The following MBP variants were observed in gnomAD, a reference collection of about 807,000 sequenced individuals.
The protein encoded by MBP is Golli-MBP.
In MBP, 16 loss-of-function variants were observed where a neutral mutation model predicts 35.8. The observed-to-expected ratio is 0.45, with a 90% CI of 0.30 to 0.68. The LOEUF (loss-of-function observed/expected upper bound fraction) is 0.68, where lower values mean the gene tolerates loss of function less well. MBP is among the 30% of genes least tolerant of loss of function. The pLI is 0.08. For synonymous variants in MBP, 143 were observed against 159.6 expected (o/e 0.90, Z 0.78); for missense variants, 380 against 404.7 (o/e 0.94, Z 0.52).
chr18:77,091,598 C>T (rs1490309410), intron 2 of MBP, among the ~76,000 whole-genome samples: 2 of 151,792 alleles, frequency 1.3e-5, no homozygotes, highest in East Asian at 3.9e-4. Flanking sequence ...CACACACACA[C>T]ACACACACAC....
chr18:77,054,269 C>T (rs1973633169), intron 3 of MBP, among the ~76,000 whole-genome samples: 1 of 152,244 alleles, frequency 6.6e-6, no homozygotes. Context: ...CAGAGCCCAC[C>T]TGCGCTGACA....
At chr18:77,021,433 G>T (rs1971981067) in intron 3 of MBP, among the ~76,000 whole-genome samples, 1 of 151,762 alleles carries the variant, frequency 6.6e-6, no homozygotes, top group Non-Finnish European at 1.5e-5. Flanking sequence ...CTCCCAGGTG[G>T]CTGACCTTGG....
At chr18:77,016,349 C>G in intron 4 of MBP, 1 of 989,022 alleles carries the variant, frequency 1.0e-6, no homozygotes, top group Non-Finnish European at 1.2e-6. Flanking sequence ...GGAGTTTGTT[C>G]AAAAGTCTTC....
At chr18:76,993,832 G>A (rs1039328342) in intron 4 of MBP, among the ~76,000 whole-genome samples, 2 of 152,282 alleles carry the variant, frequency 1.3e-5, no homozygotes, top group Admixed American at 6.5e-5. Flanking sequence ...GAGTTTGCAC[G>A]CTCAGTTTCC....
At chr18:77,054,150 G>A (rs1973628973) in intron 3 of MBP, among the ~76,000 whole-genome samples, 1 of 152,210 alleles carries the variant, frequency 6.6e-6, no homozygotes, top group Non-Finnish European at 1.5e-5. Context: ...GAAGCCACAG[G>A]ACTCTCCCAG....
intron 4 of MBP, chr18:77,016,467 A>T: frequency 1.8e-6 from 2 of 1,091,296 alleles, no homozygotes; most frequent in Non-Finnish European, 2.2e-6. Flanking sequence ...TGGGCTGCAG[A>T]GGCAACATCA....
At chr18:77,098,734 C>A (rs1474331600) in intron 2 of MBP, among the ~76,000 whole-genome samples, 1 of 152,196 alleles carries the variant, frequency 6.6e-6, no homozygotes, top group Admixed American at 6.5e-5. Context: ...GAGGCACCGC[C>A]AAGGCAGGGC....
chr18:76,987,503 C>CT, intron 7 of MBP: 11 of 985,668 alleles, frequency 1.1e-5, no homozygotes, highest in Non-Finnish European at 1.3e-5. Flanking sequence ...CCCTTCCTCC[C>CT]TCTCTTCCTT....
chr18:77,096,141 G>C (rs1333239078), intron 2 of MBP, among the ~76,000 whole-genome samples: 1 of 152,216 alleles, frequency 6.6e-6, no homozygotes, highest in Admixed American at 6.5e-5. Context: ...CTCCTAGTTG[G>C]AAAAAGTCAG....
At position 76,979,696 on chromosome 18, in the gene MBP, C is replaced by T. The variant is rs570922145; in HGVS notation, c.*731G>A. 1.8e-5 allele frequency: 9 copies of T among 514,284 alleles called. No homozygotes were observed. The highest frequency in any genetic ancestry group is 1.7e-4 in the African/African-American group (9 of 51,610). The allele number at this position is 514,284 out of a possible 1,614,324, so 31.9% of individuals were successfully genotyped here. A position where few individuals can be genotyped will look rare whatever the true frequency, so the allele number is the denominator to read the frequency against. On this transcript the variant is annotated 3_prime_UTR_variant, in exon 9 of 9. Coordinates refer to ENST00000355994, the MANE Select transcript of MBP (RefSeq NM_001025101.2). ...TCCATCACCAAATCTCCAGGAAGAC[C>T]CTGTTTCCTATGTGAGGCCATTGCC...
chr18:76,984,821 A>G lies in MBP; in HGVS notation c.824T>C (p.Phe275Ser), dbSNP rs367734828. The G allele has an allele frequency of 2.5e-6, 4 of 1,614,088 alleles. No homozygotes were observed. The highest frequency in any genetic ancestry group is 1.7e-6 in the Non-Finnish European group (2 of 1,180,024). Reference sequence around the variant, plus strand: ...CGTGCCCTGGGCATCGACTCCCTTGAATCCCTTGTGAGCCGATTTATAGTC... The same window carrying G: ...CGTGCCCTGGGCATCGACTCCCTTGGATCCCTTGTGAGCCGATTTATAGTC... Reference protein sequence around the residue: ...ASDYKSAHKGFKGVDAQGTLS... With the variant: ...ASDYKSAHKGSKGVDAQGTLS... Residue 275 changes from phenylalanine (F) to serine (S), a missense_variant, in exon 8 of 9, where the codon TTC becomes TCC. By Grantham distance (155) the Phe-to-Ser change is radical. Transcript: ENST00000355994.
intron 3 of MBP, among the ~76,000 whole-genome samples, chr18:77,039,334 C>T (rs1405447971): frequency 6.6e-6 from 1 of 152,214 alleles, no homozygotes. Context: ...AGAGTGCTGA[C>T]AGTTAACGCA....
intron 3 of MBP, among the ~76,000 whole-genome samples, chr18:77,065,070 A>C: frequency 6.6e-6 from 1 of 152,298 alleles, no homozygotes; most frequent in Non-Finnish European, 1.5e-5. Context: ...GTAAACCTCA[A>C]ATGAGAACAT....
At chr18:76,985,184 T>C in intron 7 of MBP, 1 of 1,468,012 alleles carries the variant, frequency 6.8e-7, no homozygotes. Flanking sequence ...ATCTAAGTCG[T>C]TTAGGGAACA....
chr18:77,098,703 G>C (rs867334262), intron 2 of MBP, among the ~76,000 whole-genome samples: 2 of 152,192 alleles, frequency 1.3e-5, no homozygotes, highest in African/African-American at 4.8e-5. Context: ...AGCCTTTACC[G>C]TAAGGGCTTG....
At position 77,041,543 on chromosome 18, in the gene MBP, G is replaced by GAT. The variant is rs534851739; in HGVS notation, c.140-24277_140-24276dup. On this transcript the variant is annotated intron_variant, in intron 3 of 8. Transcript: ENST00000355994. ...GGAACCAACCCGAATGTCCAACAATGATAGACTGGATGAAGAAAATGTGGC... is the reference window on the plus strand; with the variant it reads ...GGAACCAACCCGAATGTCCAACAATGATATAGACTGGATGAAGAAAATGTGGC... Among the ~76,000 whole-genome samples, 200 of 152,226 alleles carry GAT rather than the reference G, an allele frequency of 1.3e-3. 1 individual carries two copies. The highest frequency in any genetic ancestry group is 4.5e-3 in the African/African-American group (188 of 41,516).
chr18:77,082,760 G>T (rs1975013798), intron 2 of MBP, among the ~76,000 whole-genome samples: 1 of 124,534 alleles, frequency 8.0e-6, no homozygotes, highest in Admixed American at 7.9e-5. Context: ...TGCAGCAGCA[G>T]CTGGACCAGG....
At chr18:77,069,646 T>C (rs534926002) in intron 2 of MBP, among the ~76,000 whole-genome samples, 1 of 152,304 alleles carries the variant, frequency 6.6e-6, no homozygotes, top group East Asian at 1.9e-4. Context: ...CACAGCACTT[T>C]GCTTTAAGTG....
intron 4 of MBP, among the ~76,000 whole-genome samples, chr18:77,007,402 G>A (rs1321064317): frequency 1.3e-5 from 2 of 152,134 alleles, no homozygotes; most frequent in Non-Finnish European, 2.9e-5. Flanking sequence ...AGACCAGCCC[G>A]CCTGCACCCT....
Sources: gnomAD v4.1 joint callset for allele counts (sites outside exome capture counted in the v4.1 genomes callset) on GRCh38, gnomAD v4.1.1 for gene constraint, MANE v1.5 for transcripts, NCBI Gene and HGNC (gene_info 2026-07-23, HGNC 2026-07-21) for gene names.